Variants in CAST observed in about 807,000 individuals in gnomAD.
The protein encoded by CAST is calpastatin.
CAST carries 76 observed loss-of-function variants against 119.6 expected under a neutral mutation model. The observed-to-expected ratio is 0.64, with a 90% CI of 0.53 to 0.77. The LOEUF (loss-of-function observed/expected upper bound fraction) is 0.77. Ranked by LOEUF, CAST falls within the 30% of genes least tolerant of loss-of-function variation. CAST has a pLI of 0.00. For synonymous variants in CAST, 319 were observed against 331.6 expected, an observed-to-expected ratio of 0.96 and a Z score of 0.41; for missense variants, 953 against 946.5, an observed-to-expected ratio of 1.01 and a Z score of -0.09.
rs376443086 is a variant in CAST at position 96,771,638 on chromosome 5, T to C, written c.2341-6T>C. On this transcript the variant is annotated splice_polypyrimidine_tract_variant and splice_region_variant and intron_variant, in intron 30 of 31. Transcript: ENST00000675179. ...AGCTCACGGATGGTTTTGCTTTCCC[T>C]TTTAGACAACAGAGGAAACTTCCAA... is the stretch of plus-strand genomic sequence containing the variant. The C allele has an allele frequency of 8.8e-5, 141 of 1,610,206 alleles. No individual in the cohort carries two copies. The highest frequency in any genetic ancestry group is 1.0e-4 in the Non-Finnish European group (121 of 1,177,184).
intron 1 of CAST, among the ~76,000 whole-genome samples, chr5:96,634,647 T>G (rs1458585243): frequency 6.6e-6 from 1 of 152,226 alleles, no homozygotes; most frequent in African/African-American, 2.4e-5. Context: ...AATCATCAGA[T>G]AGTGTTGCCT....
In CAST at chr5:96,774,420, C is replaced by T; in HGVS notation, c.*1804C>T. 1.4e-6 allele frequency: 1 copy of T among 703,858 alleles called. No homozygotes were observed. Among genetic ancestry groups the T allele is most frequent in the African/African-American group, 1.9e-5 (1 of 52,014 alleles). The allele number at this position is 703,858 out of a possible 1,614,324, so 43.6% of individuals were successfully genotyped here. A position where few individuals can be genotyped will look rare whatever the true frequency, so the allele number is the denominator to read the frequency against. The stretch of plus-strand genomic sequence containing the variant: ...AATAACTAATAACTGGAGTAAGCTA[C>T]AGGATCTAAAGCAGCCCTTTTTACA... On this transcript the variant is annotated 3_prime_UTR_variant, in exon 32 of 32. Coordinates refer to ENST00000675179, the MANE Select transcript of CAST (RefSeq NM_001750.7).
the CAST span, among the ~76,000 whole-genome samples, chr5:96,174,456 G>T: frequency 6.6e-6 from 1 of 152,200 alleles, no homozygotes; most frequent in African/African-American, 2.4e-5. Flanking sequence ...GGAGGAGTTC[G>T]CCCTCTTGCT....
chr5:96,422,070 C>T, the CAST span: 1 of 707,448 alleles, frequency 1.4e-6, no homozygotes, highest in South Asian at 1.6e-5. Context: ...TGGCTGATAG[C>T]TCAAAAGCCT....
At chr5:96,515,965 C>G in the CAST span, among the ~76,000 whole-genome samples, 1 of 62,698 alleles carries the variant, frequency 1.6e-5, no homozygotes, top group Admixed American at 1.6e-4. Flanking sequence ...TCTAGTGAGA[C>G]ATAGTCTATT....
At chr5:96,572,300 G>A (rs7707773) in intron 1 of CAST, among the ~76,000 whole-genome samples, 7,415 of 151,766 alleles carry the variant, frequency 0.049, 321 homozygotes, top group African/African-American at 0.12. Context: ...TCCTGGGTTC[G>A]AGCAATTCTC....
chr5:96,627,914 A>T (rs1032349273), intron 1 of CAST, among the ~76,000 whole-genome samples: 1 of 152,212 alleles, frequency 6.6e-6, no homozygotes, highest in Non-Finnish European at 1.5e-5. Flanking sequence ...TCATTTCGCT[A>T]GTCATGTGCC....
chr5:96,324,345 C>A, the CAST span, among the ~76,000 whole-genome samples: 2 of 152,188 alleles, frequency 1.3e-5, no homozygotes, highest in African/African-American at 4.8e-5. Context: ...ATCTTACTAC[C>A]TTAACTTATT....
At chr5:96,509,606 A>G in the CAST span, among the ~76,000 whole-genome samples, 1 of 152,288 alleles carries the variant, frequency 6.6e-6, no homozygotes. Context: ...GAGGGGAATA[A>G]CCTGGATTGG....
chr5:96,310,609 TA>T, the CAST span, among the ~76,000 whole-genome samples: 1 of 151,914 alleles, frequency 6.6e-6, no homozygotes, highest in African/African-American at 2.4e-5. Flanking sequence ...CTTAATCTCT[TA>T]ACTCATTATT....
the CAST span, among the ~76,000 whole-genome samples, chr5:96,146,738 T>A: frequency 6.6e-6 from 1 of 152,308 alleles, no homozygotes; most frequent in South Asian, 2.1e-4. Context: ...ACCCATGACA[T>A]CTCATTAGCT....
the CAST span, among the ~76,000 whole-genome samples, chr5:96,502,325 T>C: frequency 8.6e-5 from 13 of 150,336 alleles, no homozygotes; most frequent in African/African-American, 3.0e-4. Context: ...CTTTTGTTTA[T>C]ATTATTATTT....
At chr5:95,971,963 T>TC in the CAST span, among the ~76,000 whole-genome samples, 1 of 149,768 alleles carries the variant, frequency 6.7e-6, no homozygotes, top group African/African-American at 2.4e-5. Context: ...TTTATTTCTT[T>TC]TTTTTTTTTT....
the CAST span, chr5:96,429,398 G>T: frequency 3.9e-6 from 3 of 762,078 alleles, no homozygotes; most frequent in East Asian, 5.2e-5. Flanking sequence ...AGCTAACTTA[G>T]AGATAGGCAA....
chr5:96,497,547 G>A, the CAST span, among the ~76,000 whole-genome samples: 45 of 151,890 alleles, frequency 3.0e-4, no homozygotes, highest in Non-Finnish European at 6.2e-4. Context: ...TTTAATGATT[G>A]CCATTCTAAC....
At position 96,675,601 on chromosome 5, in the gene CAST, G is replaced by C. The variant is rs535717874; in HGVS notation, c.138G>C (p.Glu46Asp). 7.5e-6 allele frequency: 12 copies of C among 1,608,252 alleles called. No homozygotes were observed. The highest frequency in any genetic ancestry group is 9.4e-6 in the Non-Finnish European group (11 of 1,175,052). The change falls in exon 2 of 32, where the codon GAG becomes GAC. Residue 46 changes from glutamate to aspartate, a missense_variant and splice_region_variant. Coordinates refer to ENST00000675179, the MANE Select transcript of CAST (RefSeq NM_001750.7). ...CAGGAGAAAAGAAAGGATCAGATGA[G>C]GTAATTTCCACAATACTGGGCTTTC... ...SKPGEKKGSD[E>D]KKAASLGSSQ...
the CAST span, among the ~76,000 whole-genome samples, chr5:96,181,140 C>T: frequency 6.6e-6 from 1 of 152,302 alleles, no homozygotes; most frequent in South Asian, 2.1e-4. Context: ...AACATGCTTA[C>T]ATTTATAAAA....
the CAST span, among the ~76,000 whole-genome samples, chr5:96,486,417 C>T: frequency 1.3e-5 from 2 of 152,160 alleles, no homozygotes; most frequent in Non-Finnish European, 1.5e-5. Flanking sequence ...GACAGAGACA[C>T]ACCATTTTAC....
intron 2 of CAST, among the ~76,000 whole-genome samples, chr5:96,681,408 AT>A (rs1254589844): frequency 1.3e-5 from 2 of 151,844 alleles, no homozygotes; most frequent in African/African-American, 4.8e-5. Flanking sequence ...TTGGTGCAAG[AT>A]TTTTTTCTTT....
Sources: gnomAD v4.1 joint callset for allele counts (sites outside exome capture counted in the v4.1 genomes callset) on GRCh38, gnomAD v4.1.1 for gene constraint, MANE v1.5 for transcripts, NCBI Gene and HGNC (gene_info 2026-07-23, HGNC 2026-07-21) for gene names.